GALNT18: variants seen among roughly 807,000 people sequenced by gnomAD.
The protein encoded by GALNT18 is GalNAc-transferase 18.
GALNT18 carries 44 observed loss-of-function variants against 69.5 expected under a neutral mutation model. That is an observed-to-expected ratio of 0.63 (90% CI 0.50 to 0.81). GALNT18 has a LOEUF of 0.81. GALNT18 is among the 40% of genes least tolerant of loss of function. The pLI is 0.00. For missense variants in GALNT18, 715 were observed against 810.0 expected (o/e 0.88, Z 1.42); for synonymous variants, 364 against 318.2 (o/e 1.14, Z -1.53).
chr11:11,502,318 C>T (rs1856990134), intron 1 of GALNT18, among the ~76,000 whole-genome samples: 2 of 152,240 alleles, frequency 1.3e-5, no homozygotes, highest in Non-Finnish European at 2.9e-5. Flanking sequence ...CCTAAGACTG[C>T]CTCTTGTATT....
chr11:11,278,865 AAC>A (rs1372145275), intron 10 of GALNT18, among the ~76,000 whole-genome samples: 2 of 152,244 alleles, frequency 1.3e-5, no homozygotes, highest in Non-Finnish European at 2.9e-5. Context: ...GAATGTTTCT[AAC>A]ACAGAAATGA....
At position 11,340,772 on chromosome 11, in the gene GALNT18, G is replaced by C; in HGVS notation, c.1278+47C>G. ...TTCGGTCCCATATCTTGTTTTGTTT[G>C]TTTTCCACCAATCCCCGAGAAACTC... is the stretch of plus-strand genomic sequence containing the variant. On this transcript the variant is annotated intron_variant, in intron 7 of 10. Coordinates refer to ENST00000227756, the MANE Select transcript of GALNT18 (RefSeq NM_198516.3). The surrounding 1 kb of genome is among the most constrained non-coding windows in gnomAD (Gnocchi z 4.2). 6.5e-7 allele frequency: 1 copy of C among 1,538,998 alleles called. No individual in the cohort carries two copies. The highest frequency in any genetic ancestry group is 8.8e-7 in the Non-Finnish European group (1 of 1,134,758).
chr11:11,578,564 G>C (rs866831152), intron 1 of GALNT18, among the ~76,000 whole-genome samples: 1 of 152,132 alleles, frequency 6.6e-6, no homozygotes, highest in Non-Finnish European at 1.5e-5. Context: ...CCTTCACCAG[G>C]TTGAATGTAT....
intron 6 of GALNT18, among the ~76,000 whole-genome samples, chr11:11,354,569 G>T (rs1457751798): frequency 6.6e-6 from 1 of 152,182 alleles, no homozygotes; most frequent in East Asian, 1.9e-4. Flanking sequence ...ATTAAATGAA[G>T]TAATACACAG....
Position 11,604,952 on chromosome 11 carries a change from A to G in GALNT18, c.235+16407T>C. ...CTGGCCGTGAGTCTGCGGAGGTAAA[A>G]AAAAAGAATGGAATAGTCCTTTTTA... is the stretch of plus-strand genomic sequence containing the variant. On this transcript the variant is annotated intron_variant, in intron 1 of 10. Transcript: ENST00000227756. The surrounding 1 kb of genome is among the most constrained non-coding windows in gnomAD (Gnocchi z 5.6). Among the ~76,000 whole-genome samples, 1 of 152,172 alleles carries G rather than the reference A, an allele frequency of 6.6e-6. No homozygotes were observed. The highest frequency in any genetic ancestry group is 2.4e-5 in the African/African-American group (1 of 41,432).
rs531493867 is a variant in GALNT18, at chr11:11,505,211, C to T, written c.236-56275G>A. On this transcript the variant is annotated intron_variant, in intron 1 of 10. Transcript: ENST00000227756. This position sits in a 1 kb window ranked among gnomAD's most constrained non-coding sequence, Gnocchi z 4.6. ...GTAAATGGCATGATATTTTGTAGTACACACACTCCAGGCAACTGGTTGTTT... is the reference window on the plus strand; with the variant it reads ...GTAAATGGCATGATATTTTGTAGTATACACACTCCAGGCAACTGGTTGTTT... Among the ~76,000 whole-genome samples, 3 of 152,298 alleles carry T rather than the reference C, an allele frequency of 2.0e-5. No individual in the cohort carries two copies. The highest frequency in any genetic ancestry group is 4.4e-5 in the Non-Finnish European group (3 of 68,026).
intron 1 of GALNT18, among the ~76,000 whole-genome samples, chr11:11,578,330 C>CAAAAAAAAAAAAA (rs57579910): frequency 1.9e-4 from 23 of 120,572 alleles, no homozygotes; most frequent in African/African-American, 7.8e-4. Context: ...TAAAAAGAAC[C>CAAAAAAAAAAAAA]AAAAAAAAAA....
intron 9 of GALNT18, among the ~76,000 whole-genome samples, chr11:11,293,531 C>CTCTTTTTTTT (rs1564883644): frequency 3.4e-5 from 3 of 89,188 alleles, no homozygotes; most frequent in African/African-American, 8.7e-5. Context: ...TTACAAACCC[C>CTCTTTTTTTT]TCTTTTTTTT....
Position 11,404,407 on chromosome 11 carries a change from T to G in GALNT18, c.596-25143A>C, listed in dbSNP as rs1564931532. On this transcript the variant is annotated intron_variant, in intron 3 of 10. Coordinates refer to ENST00000227756, the MANE Select transcript of GALNT18 (RefSeq NM_198516.3). This position sits in a 1 kb window ranked among gnomAD's most constrained non-coding sequence, Gnocchi z 4.5. ...TAGGGAAAGCAAATGCCCATGAAAT[T>G]TAGCAAGGCAAGAGGAGCAGGAGCA... Among the ~76,000 whole-genome samples, 1 of 152,120 alleles carries G rather than the reference T, an allele frequency of 6.6e-6. No individual in the cohort carries two copies. Among genetic ancestry groups the G allele is most frequent in the South Asian group, 2.1e-4 (1 of 4,816 alleles).
At position 11,444,809 on chromosome 11, in the gene GALNT18, T is replaced by C. The variant is rs1855610522; in HGVS notation, c.428+3935A>G. Among the ~76,000 whole-genome samples the C allele has an allele frequency of 6.6e-6, 1 of 151,998 alleles. No homozygotes were observed. Among genetic ancestry groups the C allele is most frequent in the Non-Finnish European group, 1.5e-5 (1 of 68,016 alleles). On this transcript the variant is annotated intron_variant, in intron 2 of 10. Transcript: ENST00000227756. The surrounding 1 kb of genome is among the most constrained non-coding windows in gnomAD (Gnocchi z 4.4). ...AGCCAAGAATACCAAGAGCAAAGTG[T>C]GGAATACAAGCAGCAGGAACAGAAG...
chr11:11,359,776 C>A (rs939457573), intron 6 of GALNT18, among the ~76,000 whole-genome samples: 29 of 152,134 alleles, frequency 1.9e-4, no homozygotes, highest in Non-Finnish European at 2.9e-4. Context: ...TGATTTTAAA[C>A]CCCGAAGGTA....
chr11:11,532,761 C>T (rs1022218736), intron 1 of GALNT18, among the ~76,000 whole-genome samples: 1 of 152,204 alleles, frequency 6.6e-6, no homozygotes, highest in Non-Finnish European at 1.5e-5. Context: ...AATTCCAGGA[C>T]AAGTGCTTTC....
intron 3 of GALNT18, among the ~76,000 whole-genome samples, chr11:11,400,346 G>T (rs1033583915): frequency 6.6e-6 from 1 of 152,196 alleles, no homozygotes; most frequent in African/African-American, 2.4e-5. Flanking sequence ...GGTATAATTT[G>T]TTACATGGCA....
chr11:11,370,774 G>A (rs10765842), intron 6 of GALNT18, among the ~76,000 whole-genome samples: 27,672 of 152,182 alleles, frequency 0.18, 3,075 homozygotes, highest in African/African-American at 0.3. Context: ...TCACACACAT[G>A]CTGGAAGCAG....
chr11:11,414,854 T>C (rs1233093832), intron 3 of GALNT18, among the ~76,000 whole-genome samples: 1 of 152,188 alleles, frequency 6.6e-6, no homozygotes, highest in African/African-American at 2.4e-5. Flanking sequence ...ATAGTTTCTA[T>C]AGGTCAGAAG....
At chr11:11,508,913 A>C (rs1190677198) in intron 1 of GALNT18, among the ~76,000 whole-genome samples, 3 of 152,192 alleles carry the variant, frequency 2.0e-5, no homozygotes, top group African/African-American at 7.2e-5. Context: ...ACAATAACAA[A>C]GAGAGGCTCA....
chr11:11,283,008 G>A (rs1849115709), intron 10 of GALNT18, among the ~76,000 whole-genome samples: 1 of 152,160 alleles, frequency 6.6e-6, no homozygotes. Flanking sequence ...TCAAAATTGA[G>A]ATCTCAGCAA....
chr11:11,478,793 C>T (rs938410656), intron 1 of GALNT18, among the ~76,000 whole-genome samples: 1 of 150,076 alleles, frequency 6.7e-6, no homozygotes, highest in Non-Finnish European at 1.5e-5. Context: ...TCCTGCAAGC[C>T]GCGTTTCTCA....
In GALNT18 at chr11:11,590,114, A is replaced by C. The variant is rs1359665445; in HGVS notation, c.235+31245T>G. ...TGGCAGACACTGCTGTGTGTTCACT[A>C]AAACCACCTTCCTTTCTTCCAGGGA... On this transcript the variant is annotated intron_variant, in intron 1 of 10. Transcript: ENST00000227756. This position sits in a 1 kb window ranked among gnomAD's most constrained non-coding sequence, Gnocchi z 4.4. 6.6e-6 allele frequency among the ~76,000 whole-genome samples: 1 copy of C among 152,238 alleles called. No homozygotes were observed. The highest frequency in any genetic ancestry group is 2.4e-5 in the African/African-American group (1 of 41,468).
Sources: gnomAD v4.1 joint callset for allele counts (sites outside exome capture counted in the v4.1 genomes callset) on GRCh38, gnomAD v4.1.1 for gene constraint, Gnocchi (gnomAD v3.1) non-coding constraint, MANE v1.5 for transcripts, NCBI Gene and HGNC (gene_info 2026-07-23, HGNC 2026-07-21) for gene names.